The following NUP98 variants were observed in gnomAD, a reference collection of about 807,000 sequenced individuals.
NUP98 encodes the protein nucleoporin 98 and 96 precursor.
In NUP98, 26 loss-of-function variants were observed where a neutral mutation model predicts 191.9. That is an observed-to-expected ratio of 0.14 (90% CI 0.10 to 0.19). The LOEUF is 0.19. Among genes scored for constraint, NUP98 ranks in the 10% least tolerant of loss-of-function variants. NUP98 has a pLI of 1.00. For synonymous variants in NUP98, 808 were observed against 778.4 expected (o/e 1.04, Z -0.63); for missense variants, 1,941 against 2,178.8 (o/e 0.89, Z 2.17).
chr11:3,748,134 A>G (rs2080578115), intron 11 of NUP98, among the ~76,000 whole-genome samples: 1 of 152,236 alleles, frequency 6.6e-6, no homozygotes. Context: ...TTAAAATAAA[A>G]TGTTAGGATA....
intron 26 of NUP98, among the ~76,000 whole-genome samples, chr11:3,694,588 A>C (rs545004897): frequency 6.6e-6 from 1 of 151,776 alleles, no homozygotes; most frequent in East Asian, 1.9e-4. Flanking sequence ...AAAATACAAA[A>C]AATTAGCCCA....
At chr11:3,686,604 A>G (rs1224238492) in intron 28 of NUP98, among the ~76,000 whole-genome samples, 1 of 152,090 alleles carries the variant, frequency 6.6e-6, no homozygotes, top group Non-Finnish European at 1.5e-5. Flanking sequence ...TTTCTCTGAC[A>G]TATTTAAAAC....
intron 21 of NUP98, among the ~76,000 whole-genome samples, chr11:3,705,596 CTA>C (rs1238239551): frequency 6.6e-6 from 1 of 152,146 alleles, no homozygotes. Context: ...ACAGCAGTTG[CTA>C]TGTTTGCTGA....
At chr11:3,686,758 C>A (rs11029026) in intron 28 of NUP98, among the ~76,000 whole-genome samples, 4 of 151,814 alleles carry the variant, frequency 2.6e-5, no homozygotes, top group African/African-American at 9.7e-5. Flanking sequence ...CTGAGGTGGG[C>A]GGATCACTTG....
chr11:3,796,575 T>G (rs78285343), intron 1 of NUP98, among the ~76,000 whole-genome samples: 2 of 152,236 alleles, frequency 1.3e-5, no homozygotes, highest in Non-Finnish European at 2.9e-5. Flanking sequence ...GAAAACGCTG[T>G]GAAGACTACA....
At chr11:3,779,381 C>A in intron 2 of NUP98, 124 bp from the exon 3 acceptor site, 1 of 829,218 alleles carries the variant, frequency 1.2e-6, no homozygotes, top group Non-Finnish European at 2.0e-6. Context: ...GTGGCTCACG[C>A]CTGTAATCCC....
At position 3,699,156 on chromosome 11, in the gene NUP98, C is replaced by T. The variant is rs759383653; in HGVS notation, c.3935G>A (p.Ser1312Asn). 3.1e-5 allele frequency: 50 copies of T among 1,613,860 alleles called. No individual in the cohort carries two copies. Among genetic ancestry groups the T allele is most frequent in the Admixed American group, 1.5e-4 (9 of 60,002 alleles). The change falls in exon 25 of 33, where the codon AGC becomes AAC. Residue 1312 changes from serine (S) to asparagine (N), a missense_variant. Transcript: ENST00000324932. ...EEEVSLTQKN[S>N]PVEAVFSYLT... ...GTAGCTGAATACAGCCTCCACAGGG[C>T]TGTTTTTTTGGGTTAAGGAGACTTC...
intron 20 of NUP98, chr11:3,711,781 TAC>T: frequency 3.4e-6 from 3 of 869,708 alleles, no homozygotes; most frequent in Non-Finnish European, 4.2e-6. Context: ...ACATTTATCA[TAC>T]CCTCCCCTCC....
At chr11:3,747,167 T>C (rs763420258) in intron 11 of NUP98, among the ~76,000 whole-genome samples, 20 of 152,186 alleles carry the variant, frequency 1.3e-4, no homozygotes, top group Non-Finnish European at 2.8e-4. Context: ...GTGCTATATT[T>C]ATGATTAGCT....
intron 28 of NUP98, 72 bp from the exon 29 acceptor site, chr11:3,686,266 C>T: frequency 6.7e-6 from 9 of 1,353,134 alleles, no homozygotes; most frequent in Non-Finnish European, 9.5e-6. Flanking sequence ...AACTGTTCTG[C>T]TTATGTCTAA....
At position 3,691,307 on chromosome 11, in the gene NUP98, T is replaced by C. The variant is rs138451861; in HGVS notation, c.4454+40A>G. On this transcript the variant is annotated intron_variant, in intron 28 of 32. Coordinates refer to ENST00000324932, the MANE Select transcript of NUP98 (RefSeq NM_016320.5). ...CAGCAAAGGACTCCCCTGGGGCTCA[T>C]GGAGCACTCAAGTGACAATAAAGCC... 3,643 of 1,612,926 alleles carry C rather than the reference T, an allele frequency of 2.3e-3. 116 individuals are homozygous for C. The East Asian group carries it at 0.054, about 24-fold the overall frequency.
chr11:3,692,784 AAAT>A (rs1344056557), intron 27 of NUP98, among the ~76,000 whole-genome samples: 5 of 152,354 alleles, frequency 3.3e-5, no homozygotes, highest in African/African-American at 1.2e-4. Context: ...TACTCCTGAC[AAAT>A]AATTCTGAGA....
In NUP98 at chr11:3,797,525, T is replaced by A. The variant is rs2082735386; in HGVS notation, c.-154A>T. ...ACCACCCCTGCCACCGACCGCCGCT[T>A]CGGGCGCAGCGCGCAGAGGGCCCGA... is the stretch of plus-strand genomic sequence containing the variant. On this transcript the variant is annotated 5_prime_UTR_variant, in exon 1 of 33. Transcript: ENST00000324932. 2.3e-6 allele frequency: 1 copy of A among 441,366 alleles called. No homozygotes were observed. The highest frequency in any genetic ancestry group is 4.0e-6 in the Non-Finnish European group (1 of 251,164). 27.3% of individuals were successfully genotyped at this position (441,366 alleles called of 1,614,324 possible).
intron 1 of NUP98, among the ~76,000 whole-genome samples, chr11:3,790,912 T>TTTC (rs1286746834): frequency 6.6e-6 from 1 of 151,874 alleles, no homozygotes; most frequent in African/African-American, 2.4e-5. Context: ...TTTTTTTTTT[T>TTTC]TGAGACAGAG....
chr11:3,695,002 T>C (rs1380513739), intron 26 of NUP98, among the ~76,000 whole-genome samples: 1 of 152,180 alleles, frequency 6.6e-6, no homozygotes, highest in African/African-American at 2.4e-5. Context: ...TATGTGGATG[T>C]AGACTTAAAA....
At chr11:3,769,025 T>C (rs188935244) in intron 7 of NUP98, among the ~76,000 whole-genome samples, 189 of 152,342 alleles carry the variant, frequency 1.2e-3, no homozygotes, top group Admixed American at 2.5e-3. Flanking sequence ...GATAATACAC[T>C]AGAAGTCAGC....
chr11:3,731,878 A>G (rs531367872), intron 13 of NUP98, among the ~76,000 whole-genome samples: 194 of 152,324 alleles, frequency 1.3e-3, no homozygotes, highest in African/African-American at 4.3e-3. Flanking sequence ...AAATGTCCCA[A>G]TGAGCATTTC....
At chr11:3,691,622 C>T (rs1039819648) in intron 27 of NUP98, 133 bp from the exon 28 acceptor site, 8 of 792,558 alleles carry the variant, frequency 1.0e-5, no homozygotes, top group Admixed American at 2.7e-5. Context: ...GGGACAATCT[C>T]GGCTCACTGC....
At chr11:3,796,429 T>A (rs772699596) in intron 1 of NUP98, among the ~76,000 whole-genome samples, 2 of 152,276 alleles carry the variant, frequency 1.3e-5, no homozygotes, top group Non-Finnish European at 2.9e-5. Context: ...CTTGTAGTTT[T>A]ACCGATTTGT....
Sources: gnomAD v4.1 joint callset for allele counts (sites outside exome capture counted in the v4.1 genomes callset) on GRCh38, gnomAD v4.1.1 for gene constraint, MANE v1.5 for transcripts, NCBI Gene and HGNC (gene_info 2026-07-23, HGNC 2026-07-21) for gene names.